Variants in NDUFAF2 observed in about 807,000 individuals in gnomAD.
The protein encoded by NDUFAF2 is NADH dehydrogenase [ubiquinone] 1 alpha subcomplex assembly factor 2.
NDUFAF2 carries 13 observed loss-of-function variants against 22.8 expected under a neutral mutation model. That is an observed-to-expected ratio of 0.57 (90% CI 0.37 to 0.91). NDUFAF2 has a LOEUF of 0.91. Ranked by LOEUF, NDUFAF2 falls within the 40% of genes least tolerant of loss-of-function variation. The probability of loss-of-function intolerance (pLI) is 0.01; values close to 1 mark genes in which losing one functional copy is unlikely to be tolerated. For missense variants in NDUFAF2, 162 were observed against 195.2 expected (o/e 0.83, Z 1.01); for synonymous variants, 53 against 64.2 (o/e 0.83, Z 0.84).
chr5:61,090,013 A>T (rs1752547887), intron 2 of NDUFAF2, among the ~76,000 whole-genome samples: 1 of 151,980 alleles, frequency 6.6e-6, no homozygotes, highest in Non-Finnish European at 1.5e-5. Flanking sequence ...TGGTGACGAT[A>T]AGTGTGCATT....
At position 61,039,920 on chromosome 5, in the gene NDUFAF2, C is replaced by G. The variant is rs987873582; in HGVS notation, c.128-33205C>G. On this transcript the variant is annotated intron_variant, in intron 1 of 3. Coordinates refer to ENST00000296597, the MANE Select transcript of NDUFAF2 (RefSeq NM_174889.5). Reference sequence around the variant, plus strand: ...ATTACTATAGATCAAGATACTATAACTCTTTAGAACTTTGAAGATATTCTG... The same window carrying G: ...ATTACTATAGATCAAGATACTATAAGTCTTTAGAACTTTGAAGATATTCTG... Among the ~76,000 whole-genome samples, 41 of 152,240 alleles carry G rather than the reference C, an allele frequency of 2.7e-4. 1 individual carries two copies. The highest frequency in any genetic ancestry group is 9.6e-4 in the African/African-American group (40 of 41,558).
intron 1 of NDUFAF2, among the ~76,000 whole-genome samples, chr5:60,992,733 C>CT (rs905953859): frequency 1.1e-4 from 16 of 150,970 alleles, no homozygotes; most frequent in East Asian, 7.8e-4. Flanking sequence ...AACCCCTCAG[C>CT]TTTTTTTTTG....
At chr5:60,971,693 A>G (rs931948049) in intron 1 of NDUFAF2, among the ~76,000 whole-genome samples, 25 of 139,768 alleles carry the variant, frequency 1.8e-4, no homozygotes, top group Admixed American at 5.8e-4. Flanking sequence ...GTTCCCACCT[A>G]TGAGTGAGAA....
chr5:61,108,019 G>A lies in NDUFAF2; in HGVS notation c.258+8987G>A, dbSNP rs186157832. ...ACTCATCATTTTTTATGGCTGCATA[G>A]TGACATGAACTCATCATTTTTTATG... On this transcript the variant is annotated intron_variant, in intron 3 of 3. Transcript: ENST00000296597. 6.4e-3 allele frequency among the ~76,000 whole-genome samples: 973 copies of A among 151,082 alleles called. 10 individuals are homozygous for A. Among genetic ancestry groups the A allele is most frequent in the Admixed American group, 0.01 (159 of 15,238 alleles).
chr5:60,978,341 A>G (rs1223135981), intron 1 of NDUFAF2, among the ~76,000 whole-genome samples: 1 of 152,180 alleles, frequency 6.6e-6, no homozygotes, highest in African/African-American at 2.4e-5. Context: ...CTATAAAGAA[A>G]TACCTGAGAC....
chr5:61,096,702 G>T (rs10452451), intron 2 of NDUFAF2, among the ~76,000 whole-genome samples: 2,998 of 151,902 alleles, frequency 0.02, 115 homozygotes, highest in African/African-American at 0.069. Flanking sequence ...AGTGGCTCAC[G>T]CCTATAATTC....
chr5:61,136,317 A>G (rs562956046), intron 3 of NDUFAF2, among the ~76,000 whole-genome samples: 42 of 152,094 alleles, frequency 2.8e-4, no homozygotes, highest in African/African-American at 8.9e-4. Context: ...TGATTTGACC[A>G]TACAACTTTT....
chr5:61,133,067 CTT>C, intron 3 of NDUFAF2, among the ~76,000 whole-genome samples: 1 of 152,268 alleles, frequency 6.6e-6, no homozygotes, highest in South Asian at 2.1e-4. Flanking sequence ...ATCCTTGCCT[CTT>C]TTGAGAAACA....
intron 1 of NDUFAF2, among the ~76,000 whole-genome samples, chr5:60,958,027 G>T (rs1750639692): frequency 6.6e-6 from 1 of 151,986 alleles, no homozygotes; most frequent in African/African-American, 2.4e-5. Context: ...CCAATTTTGG[G>T]GTTTTCTCAG....
chr5:61,118,963 A>G (rs193214271), intron 3 of NDUFAF2, among the ~76,000 whole-genome samples: 1 of 152,144 alleles, frequency 6.6e-6, no homozygotes, highest in African/African-American at 2.4e-5. Context: ...ATGGTGGGTT[A>G]TAGGTGTATG....
At chr5:60,971,282 C>CT (rs1750824034) in intron 1 of NDUFAF2, among the ~76,000 whole-genome samples, 3 of 104,832 alleles carry the variant, frequency 2.9e-5, no homozygotes, top group South Asian at 3.7e-4. Flanking sequence ...TTTTTTCTTT[C>CT]TTTCTTTTTT....
chr5:61,048,025 T>A (rs1175920481), intron 1 of NDUFAF2, among the ~76,000 whole-genome samples: 2 of 152,198 alleles, frequency 1.3e-5, no homozygotes, highest in East Asian at 1.9e-4. Context: ...TAGACTTGTT[T>A]CTTTTCGCAT....
rs143044553 is a variant in NDUFAF2 at position 60,968,093 on chromosome 5, A to T, written c.127+22711A>T. On this transcript the variant is annotated intron_variant, in intron 1 of 3. Coordinates refer to ENST00000296597, the MANE Select transcript of NDUFAF2 (RefSeq NM_174889.5). ...TAATTGTATGTTTCTAGAAATTTATATATTTATTCTAGGTTATACAATTTG... is the reference window on the plus strand; with the variant it reads ...TAATTGTATGTTTCTAGAAATTTATTTATTTATTCTAGGTTATACAATTTG... Among the ~76,000 whole-genome samples, 171 of 151,908 alleles carry T rather than the reference A, an allele frequency of 1.1e-3. 1 individual carries two copies. The highest frequency in any genetic ancestry group is 4.0e-3 in the African/African-American group (166 of 41,532).
intron 1 of NDUFAF2, among the ~76,000 whole-genome samples, chr5:61,059,775 T>C (rs1218669696): frequency 6.6e-6 from 1 of 152,098 alleles, no homozygotes; most frequent in African/African-American, 2.4e-5. Context: ...AAGACTTCTA[T>C]AATTGCTTTA....
At chr5:61,108,214 C>G (rs1347731844) in intron 3 of NDUFAF2, among the ~76,000 whole-genome samples, 2 of 145,768 alleles carry the variant, frequency 1.4e-5, no homozygotes, top group Non-Finnish European at 3.0e-5. Flanking sequence ...GGGTATATAC[C>G]CAGTAATGGG....
chr5:61,029,082 T>G (rs1424235818), intron 1 of NDUFAF2, among the ~76,000 whole-genome samples: 1 of 152,064 alleles, frequency 6.6e-6, no homozygotes, highest in Non-Finnish European at 1.5e-5. Context: ...GTGTATATCT[T>G]TACCCACTCT....
intron 2 of NDUFAF2, among the ~76,000 whole-genome samples, chr5:61,096,427 C>T (rs148026536): frequency 0.017 from 2,573 of 151,890 alleles, 81 homozygotes; most frequent in African/African-American, 0.059. Flanking sequence ...GGTGAAACCC[C>T]GTCTCTACTA....
intron 1 of NDUFAF2, among the ~76,000 whole-genome samples, chr5:60,951,207 T>C (rs1338818939): frequency 6.6e-6 from 1 of 151,984 alleles, no homozygotes; most frequent in Admixed American, 6.6e-5. Context: ...TTTTTGTAAT[T>C]TTAGTAAGAG....
intron 3 of NDUFAF2, among the ~76,000 whole-genome samples, chr5:61,099,332 C>T (rs759006093): frequency 1.1e-4 from 16 of 151,384 alleles, no homozygotes; most frequent in Non-Finnish European, 2.1e-4. Context: ...GAGCAGTTTG[C>T]ACCAGGTTAT....
Sources: gnomAD v4.1 joint callset for allele counts (sites outside exome capture counted in the v4.1 genomes callset) on GRCh38, gnomAD v4.1.1 for gene constraint, MANE v1.5 for transcripts, NCBI Gene and HGNC (gene_info 2026-07-23, HGNC 2026-07-21) for gene names.